The following FER variants were observed in gnomAD, a reference collection of about 807,000 sequenced individuals.
FER encodes tyrosine-protein kinase Fer.
In FER, 63 loss-of-function variants were observed where a neutral mutation model predicts 111.0. The ratio of observed to expected loss-of-function variants is 0.57; its 90% CI spans 0.46 to 0.70. The LOEUF is 0.70. Ranked by LOEUF, FER falls within the 30% of genes least tolerant of loss-of-function variation. FER has a pLI of 0.00. For synonymous variants in FER, 327 were observed against 313.9 expected, an observed-to-expected ratio of 1.04 and a Z score of -0.44; for missense variants, 914 against 954.0, an observed-to-expected ratio of 0.96 and a Z score of 0.55.
chr5:109,074,913 T>G (rs934198569), intron 16 of FER, among the ~76,000 whole-genome samples: 3 of 152,256 alleles, frequency 2.0e-5, no homozygotes, highest in Non-Finnish European at 2.9e-5. Context: ...AATGATTCTT[T>G]GGAAATATAA....
At position 108,938,022 on chromosome 5, in the gene FER, T is replaced by TCA. The variant is rs1201322146; in HGVS notation, c.1237-8107_1237-8106insAC. ...CTTCCCTCCTTTTTTTCCCTATCTC[T>TCA]CTCTCACACACACACACACACACAC... On this transcript the variant is annotated intron_variant, in intron 10 of 19. Transcript: ENST00000281092. 5.5e-3 allele frequency among the ~76,000 whole-genome samples: 429 copies of TCA among 77,774 alleles called. 1 individual carries two copies. The highest frequency in any genetic ancestry group is 9.9e-3 in the African/African-American group (198 of 19,976). The allele number at this position is 77,774 out of a possible 152,430, so 51.0% of individuals were successfully genotyped here. A position where few individuals can be genotyped will look rare whatever the true frequency, so the allele number is the denominator to read the frequency against.
chr5:108,763,614 A>AG (rs1212470314), intron 1 of FER, among the ~76,000 whole-genome samples: 1 of 152,298 alleles, frequency 6.6e-6, no homozygotes, highest in Admixed American at 6.5e-5. Context: ...AGGGAGGGGA[A>AG]GGAGAAGGCT....
At chr5:109,041,457 CA>C (rs34499703) in intron 14 of FER, among the ~76,000 whole-genome samples, 28,126 of 139,312 alleles carry the variant, frequency 0.2, 2,735 homozygotes, top group Non-Finnish European at 0.24. Context: ...GATAAGTATT[CA>C]AAAAAAAAAA....
At chr5:108,872,776 A>G (rs1208828177) in intron 8 of FER, among the ~76,000 whole-genome samples, 1 of 152,326 alleles carries the variant, frequency 6.6e-6, no homozygotes, top group Admixed American at 6.5e-5. Context: ...AATTAGTAGT[A>G]TATTTTTGAA....
chr5:109,072,676 T>C (rs1350267989), intron 16 of FER, among the ~76,000 whole-genome samples: 1 of 152,004 alleles, frequency 6.6e-6, no homozygotes, highest in Non-Finnish European at 1.5e-5. Context: ...TAATGAAATC[T>C]GCTCGAAGAT....
intron 17 of FER, among the ~76,000 whole-genome samples, chr5:109,113,588 T>C (rs867657682): frequency 6.6e-6 from 1 of 152,158 alleles, no homozygotes; most frequent in African/African-American, 2.4e-5. Context: ...GTTGTTTAAA[T>C]ATTGTTGCTT....
intron 10 of FER, among the ~76,000 whole-genome samples, chr5:108,915,805 A>G (rs1280261450): frequency 1.3e-5 from 2 of 152,198 alleles, no homozygotes; most frequent in Non-Finnish European, 2.9e-5. Flanking sequence ...ATGAAAGGTA[A>G]AGAACAGAAG....
intron 9 of FER, among the ~76,000 whole-genome samples, chr5:108,883,913 A>G (rs994685003): frequency 1.1e-4 from 16 of 152,138 alleles, no homozygotes; most frequent in Middle Eastern, 3.4e-3. Flanking sequence ...ACTCTGTTAA[A>G]TGGAAGCAGA....
At chr5:108,867,731 T>C (rs919983541) in intron 5 of FER, 36 bp from the exon 6 acceptor site, 1 of 1,574,878 alleles carries the variant, frequency 6.3e-7, no homozygotes, top group Non-Finnish European at 8.6e-7. Flanking sequence ...TTTTCTTATC[T>C]CTTTACTAAC....
chr5:109,080,541 C>T (rs562958035), intron 16 of FER, among the ~76,000 whole-genome samples: 1 of 152,090 alleles, frequency 6.6e-6, no homozygotes, highest in African/African-American at 2.4e-5. Context: ...GGAGTTGATT[C>T]TTACAAATTT....
At chr5:108,803,261 T>C (rs910177370) in intron 3 of FER, among the ~76,000 whole-genome samples, 1 of 152,212 alleles carries the variant, frequency 6.6e-6, no homozygotes, top group African/African-American at 2.4e-5. Flanking sequence ...TTTATGATTA[T>C]TTTCTCCCAT....
At chr5:109,048,826 G>C (rs1401354855) in intron 16 of FER, among the ~76,000 whole-genome samples, 2 of 85,436 alleles carry the variant, frequency 2.3e-5, no homozygotes, top group East Asian at 3.6e-4. Context: ...CTCCACCACT[G>C]TTTCAGATCT....
chr5:108,869,699 A>C (rs769908151), intron 6 of FER, among the ~76,000 whole-genome samples: 6 of 152,204 alleles, frequency 3.9e-5, no homozygotes, highest in Non-Finnish European at 8.8e-5. Flanking sequence ...TTTACATACA[A>C]ATATTTCAGA....
At chr5:108,907,602 C>G (rs916725598) in intron 10 of FER, among the ~76,000 whole-genome samples, 1 of 151,964 alleles carries the variant, frequency 6.6e-6, no homozygotes, top group African/African-American at 2.4e-5. Flanking sequence ...CACAGTTAAC[C>G]AACTTCTGTA....
chr5:108,876,623 T>C (rs1765116805), intron 8 of FER, among the ~76,000 whole-genome samples: 1 of 152,192 alleles, frequency 6.6e-6, no homozygotes, highest in African/African-American at 2.4e-5. Context: ...TGAAGAAACA[T>C]TGTGTTTATT....
intron 17 of FER, among the ~76,000 whole-genome samples, chr5:109,146,725 T>C (rs767312441): frequency 1.3e-5 from 2 of 152,014 alleles, no homozygotes; most frequent in Non-Finnish European, 2.9e-5. Context: ...GATTTAAATA[T>C]CCATATGCCA....
At chr5:109,023,344 G>A (rs986143045) in intron 13 of FER, among the ~76,000 whole-genome samples, 2 of 152,096 alleles carry the variant, frequency 1.3e-5, no homozygotes, top group African/African-American at 4.8e-5. Flanking sequence ...TAGGGAGATA[G>A]GAATTGAGAG....
chr5:108,833,501 T>C (rs540631929), intron 4 of FER, among the ~76,000 whole-genome samples: 3 of 151,866 alleles, frequency 2.0e-5, no homozygotes, highest in Non-Finnish European at 4.4e-5. Context: ...TTTTTTTTTT[T>C]TACATTGGAT....
At chr5:108,763,539 G>A (rs940698725) in intron 1 of FER, among the ~76,000 whole-genome samples, 4 of 152,150 alleles carry the variant, frequency 2.6e-5, no homozygotes, top group Admixed American at 6.5e-5. Context: ...TAAACACATC[G>A]CTTCCAGAGG....
Sources: allele counts gnomAD v4.1 joint callset (sites outside exome capture counted in the v4.1 genomes callset), GRCh38; gene constraint gnomAD v4.1.1; transcripts MANE v1.5; gene names NCBI Gene and HGNC (gene_info 2026-07-23, HGNC 2026-07-21).